The following CTCF variants were observed in gnomAD, a reference collection of about 807,000 sequenced individuals.
CTCF encodes the protein CCCTC-binding factor.
A neutral mutation model predicts 72.3 loss-of-function variants in CTCF; 7 were observed. The observed-to-expected ratio is 0.10, with a 90% confidence interval of 0.06 to 0.18. The LOEUF is 0.18. Among genes scored for constraint, CTCF ranks in the 10% least tolerant of loss-of-function variants. The pLI is 1.00. For synonymous variants in CTCF, 374 were observed against 315.8 expected (o/e 1.18, Z -1.95); for missense variants, 516 against 949.1 (o/e 0.54, Z 6.00).
intron 2 of CTCF, among the ~76,000 whole-genome samples, chr16:67,601,586 T>G (rs1169201789): frequency 1.3e-5 from 2 of 151,844 alleles, no homozygotes; most frequent in Non-Finnish European, 2.9e-5. Context: ...TCGGGGATGC[T>G]CTGAGATTCT....
At position 67,585,831 on chromosome 16, in the gene CTCF, GGTTAT is replaced by G. The variant is rs529358596; in HGVS notation, c.-10+14571_-10+14575del. ...TCTACTCCTATTTAAAAATTTTTAA[GGTTAT>G]GTTGAGAGTATAAAATAATAGTGAC... On this transcript the variant is annotated intron_variant, in intron 2 of 11. Transcript: ENST00000264010. Among the ~76,000 whole-genome samples, 444 of 152,040 alleles carry G rather than the reference GGTTAT, an allele frequency of 2.9e-3. 4 individuals carry two copies. Among genetic ancestry groups the G allele is most frequent in the African/African-American group, 0.01 (432 of 41,484 alleles).
chr16:67,592,170 G>C (rs2051753583), intron 2 of CTCF, among the ~76,000 whole-genome samples: 1 of 152,114 alleles, frequency 6.6e-6, no homozygotes, highest in Admixed American at 6.6e-5. Context: ...CCAGCACTTT[G>C]GGAGGATGAG....
intron 2 of CTCF, among the ~76,000 whole-genome samples, chr16:67,576,763 C>G (rs2051503431): frequency 6.6e-6 from 1 of 151,974 alleles, no homozygotes; most frequent in South Asian, 2.1e-4. Context: ...ATCTCCTGAC[C>G]TCGTAATCCG....
At chr16:67,612,236 A>G in intron 4 of CTCF, 115 bp downstream of exon 4, 1 of 906,096 alleles carries the variant, frequency 1.1e-6, no homozygotes, top group African/African-American at 1.7e-5. Flanking sequence ...ATTTCTTATG[A>G]TGCCCTTTTT....
chr16:67,593,381 T>C (rs2051771751), intron 2 of CTCF, among the ~76,000 whole-genome samples: 1 of 152,100 alleles, frequency 6.6e-6, no homozygotes, highest in African/African-American at 2.4e-5. Context: ...AGGCCTATTG[T>C]TATGTTTATG....
At chr16:67,563,036 G>T (rs1368639728) in intron 1 of CTCF, among the ~76,000 whole-genome samples, 1 of 150,944 alleles carries the variant, frequency 6.6e-6, no homozygotes, top group Non-Finnish European at 1.5e-5. Context: ...TCCTTTGTCT[G>T]CCCTCGAGGC....
At chr16:67,579,585 C>T (rs2051552283) in intron 2 of CTCF, among the ~76,000 whole-genome samples, 1 of 152,100 alleles carries the variant, frequency 6.6e-6, no homozygotes, top group African/African-American at 2.4e-5. Flanking sequence ...TCTCAAACTC[C>T]TGACCTCAGG....
chr16:67,600,635 A>G (rs2051874048), intron 2 of CTCF, among the ~76,000 whole-genome samples: 1 of 152,288 alleles, frequency 6.6e-6, no homozygotes, highest in South Asian at 2.1e-4. Context: ...TCAGCCTCCC[A>G]AAGTGCTGGG....
chr16:67,571,961 T>G (rs2051427438), intron 2 of CTCF, among the ~76,000 whole-genome samples: 1 of 152,196 alleles, frequency 6.6e-6, no homozygotes, highest in African/African-American at 2.4e-5. Context: ...TTGTAAAAAT[T>G]ATCTCTTCTC....
chr16:67,577,022 A>G (rs1045663761), intron 2 of CTCF, among the ~76,000 whole-genome samples: 8 of 152,264 alleles, frequency 5.3e-5, no homozygotes, highest in Non-Finnish European at 8.8e-5. Flanking sequence ...TAAAACCTAT[A>G]GGTAGGTTTC....
At chr16:67,636,631 T>C (rs2052433772) in intron 10 of CTCF, 59 bp from the exon 11 acceptor site, 16 of 1,241,734 alleles carry the variant, frequency 1.3e-5, no homozygotes, top group Non-Finnish European at 1.7e-5. Flanking sequence ...TTGTTTTCTT[T>C]CATCTTCCAC....
At chr16:67,616,477 A>T (rs542940764) in intron 4 of CTCF, 1 of 389,298 alleles carries the variant, frequency 2.6e-6, no homozygotes, top group African/African-American at 2.0e-5. Flanking sequence ...AGGAATAAGA[A>T]GGTTTTTATT....
intron 9 of CTCF, among the ~76,000 whole-genome samples, chr16:67,629,132 C>A (rs1051161379): frequency 7.9e-6 from 1 of 127,314 alleles, no homozygotes; most frequent in Non-Finnish European, 1.6e-5. Context: ...GTAGCCTGTT[C>A]TGGGTCTTCT....
chr16:67,602,570 G>A (rs573160241), intron 2 of CTCF, among the ~76,000 whole-genome samples: 13 of 152,112 alleles, frequency 8.5e-5, no homozygotes, highest in African/African-American at 1.4e-4. Flanking sequence ...GGCTGGGCAC[G>A]GTGGTTCATG....
chr16:67,636,221 C>T (rs2052425651), intron 10 of CTCF, among the ~76,000 whole-genome samples: 1 of 152,000 alleles, frequency 6.6e-6, no homozygotes, highest in Non-Finnish European at 1.5e-5. Context: ...ACTAAAAATA[C>T]AAAAATCAGC....
chr16:67,608,544 G>C (rs1252412070), intron 2 of CTCF, among the ~76,000 whole-genome samples: 1 of 152,056 alleles, frequency 6.6e-6, no homozygotes, highest in Non-Finnish European at 1.5e-5. Flanking sequence ...TGGGGAAAAT[G>C]GGGAATTGCT....
At chr16:67,602,842 CAAAAAAAA>C (rs75191313) in intron 2 of CTCF, among the ~76,000 whole-genome samples, 4 of 55,352 alleles carry the variant, frequency 7.2e-5, no homozygotes, top group South Asian at 5.2e-4. Context: ...ACTCCATCTC[CAAAAAAAA>C]AAAAAAAAAA....
chr16:67,563,015 T>C (rs1159801135), intron 1 of CTCF, among the ~76,000 whole-genome samples: 7 of 148,158 alleles, frequency 4.7e-5, no homozygotes, highest in African/African-American at 1.7e-4. Context: ...GCCCGGCGAC[T>C]CCATTTTCCT....
chr16:67,569,853 T>C (rs1325864322), intron 1 of CTCF, among the ~76,000 whole-genome samples: 1 of 151,674 alleles, frequency 6.6e-6, no homozygotes, highest in Admixed American at 6.6e-5. Flanking sequence ...GCCTGGCTAA[T>C]TTTTGTATTT....
Sources: allele counts gnomAD v4.1 joint callset (sites outside exome capture counted in the v4.1 genomes callset), GRCh38; gene constraint gnomAD v4.1.1; transcripts MANE v1.5; gene names NCBI Gene and HGNC (gene_info 2026-07-23, HGNC 2026-07-21).